The following RMDN2 variants were observed in gnomAD, a reference collection of about 807,000 sequenced individuals.
RMDN2 encodes regulator of microtubule dynamics 2, also known as regulator of microtubule dynamics protein 2.
RMDN2 carries 61 observed loss-of-function variants against 52.8 expected under a neutral mutation model. The observed-to-expected ratio is 1.16, with a 90% CI of 0.94 to 1.43. The LOEUF is 1.43. Ranked by LOEUF, RMDN2 falls within the 40% of genes most tolerant of loss-of-function variation. The probability of loss-of-function intolerance (pLI) is 0.00; values close to 1 mark genes in which losing one functional copy is unlikely to be tolerated. For missense variants in RMDN2, 592 were observed against 475.3 expected (o/e 1.25, Z -2.28); for synonymous variants, 180 against 153.1 (o/e 1.18, Z -1.30).
At chr2:38,013,772 C>G (rs1211773695) in intron 10 of RMDN2, among the ~76,000 whole-genome samples, 3 of 152,152 alleles carry the variant, frequency 2.0e-5, no homozygotes, top group Non-Finnish European at 2.9e-5. Flanking sequence ...ATAAATGGGT[C>G]TCTTGTCAAA....
At chr2:37,981,196 A>G in intron 4 of RMDN2, 87 bp from the exon 5 acceptor site, 1 of 858,614 alleles carries the variant, frequency 1.2e-6, no homozygotes, top group South Asian at 1.4e-5. Context: ...TCTTGGGACC[A>G]TACTTTGTGA....
At chr2:37,990,518 C>CAAAAAAA (rs397812186) in intron 6 of RMDN2, among the ~76,000 whole-genome samples, 5 of 37,564 alleles carry the variant, frequency 1.3e-4, no homozygotes, top group Admixed American at 4.1e-4. Flanking sequence ...GACTCCATCT[C>CAAAAAAA]AAAAAAAAAA....
Position 38,004,209 on chromosome 2 carries a change from C to A in RMDN2, c.1172C>A (p.Thr391Asn), listed in dbSNP as rs567221682. The A allele has an allele frequency of 4.3e-6, 7 of 1,612,600 alleles. No individual in the cohort carries two copies. The highest frequency in any genetic ancestry group is 3.3e-5 in the South Asian group (3 of 91,054). ...CNLALLLPTV[T>N]KEDKEAQKEM... ...TTGGCTTTATTGCTTCCTACTGTTA[C>A]CAAAGAGGTAAGTCCAGAAAGTGAC... The change falls in exon 10 of 11, where the codon ACC becomes AAC. Residue 391 changes from threonine (T) to asparagine (N), a missense_variant. Physicochemically the swap from Thr to Asn is moderately conservative, Grantham distance 65. Coordinates refer to ENST00000354545, the MANE Select transcript of RMDN2 (RefSeq NM_001170791.3).
intron 2 of RMDN2, among the ~76,000 whole-genome samples, chr2:37,943,569 A>C (rs1309949513): frequency 6.6e-6 from 1 of 152,214 alleles, no homozygotes; most frequent in Non-Finnish European, 1.5e-5. Context: ...GTCTAAAATA[A>C]ATTCTTTTAA....
intron 10 of RMDN2, among the ~76,000 whole-genome samples, chr2:38,022,972 C>T (rs551388699): frequency 2.4e-4 from 36 of 152,126 alleles, no homozygotes; most frequent in African/African-American, 8.4e-4. Flanking sequence ...TTTCTTTGAG[C>T]CCGGGGCTGT....
intron 8 of RMDN2, among the ~76,000 whole-genome samples, chr2:37,999,130 C>G (rs983780523): frequency 6.6e-6 from 1 of 152,108 alleles, no homozygotes; most frequent in South Asian, 2.1e-4. Context: ...TGCTAATGTG[C>G]CTGAAATAAT....
chr2:37,997,718 G>A, intron 8 of RMDN2: 1 of 517,002 alleles, frequency 1.9e-6, no homozygotes, highest in East Asian at 3.4e-5. Flanking sequence ...TTATGCCCTA[G>A]GTTCTAGGAA....
At chr2:37,965,965 C>G (rs535592092) in intron 2 of RMDN2, among the ~76,000 whole-genome samples, 1 of 152,296 alleles carries the variant, frequency 6.6e-6, no homozygotes, top group Admixed American at 6.5e-5. Context: ...AAGGTTTCTG[C>G]TGAGAAATCT....
intron 2 of RMDN2, chr2:37,952,165 A>G: frequency 6.2e-7 from 1 of 1,613,238 alleles, no homozygotes; most frequent in South Asian, 1.1e-5. Flanking sequence ...TTTCAAGATG[A>G]AGACAGATCT....
chr2:37,927,896 C>T (rs1666415285), intron 1 of RMDN2, among the ~76,000 whole-genome samples: 1 of 152,150 alleles, frequency 6.6e-6, no homozygotes, highest in African/African-American at 2.4e-5. Context: ...CTGTTGCTGG[C>T]ATGTCTCCTG....
intron 8 of RMDN2, among the ~76,000 whole-genome samples, chr2:38,003,544 CCTGATAGATAGATAGA>C (rs1676599079): frequency 1.2e-5 from 1 of 85,760 alleles, no homozygotes; most frequent in East Asian, 4.0e-4. Context: ...CAAAGCAAGA[CCTGATAGATAGATAGA>C]TAGATAGATA....
intron 10 of RMDN2, among the ~76,000 whole-genome samples, chr2:38,050,126 A>T (rs189799004): frequency 6.6e-6 from 1 of 152,324 alleles, no homozygotes; most frequent in East Asian, 1.9e-4. Context: ...AAACTGGCAG[A>T]GAGGATTTGA....
chr2:37,970,636 A>G (rs961597319), intron 2 of RMDN2, among the ~76,000 whole-genome samples: 1 of 152,192 alleles, frequency 6.6e-6, no homozygotes, highest in Non-Finnish European at 1.5e-5. Flanking sequence ...AGATTTCACA[A>G]TAAAACTATT....
chr2:37,964,235 G>A (rs568896887), intron 2 of RMDN2, among the ~76,000 whole-genome samples: 203 of 152,118 alleles, frequency 1.3e-3, no homozygotes, highest in African/African-American at 4.4e-3. Flanking sequence ...GCTGCCGGGC[G>A]GAGGGGCTCC....
At chr2:38,005,623 T>C (rs1442643827) in intron 10 of RMDN2, among the ~76,000 whole-genome samples, 1 of 152,230 alleles carries the variant, frequency 6.6e-6, no homozygotes, top group Non-Finnish European at 1.5e-5. Context: ...GATGAGTAGA[T>C]TGCAAAAATT....
intron 2 of RMDN2, among the ~76,000 whole-genome samples, chr2:37,966,220 C>T (rs1413306946): frequency 1.3e-5 from 2 of 152,054 alleles, no homozygotes; most frequent in African/African-American, 4.8e-5. Context: ...AAATCGAGAC[C>T]ATCCTGGCTA....
At chr2:38,064,068 T>C (rs1033515686) in intron 10 of RMDN2, among the ~76,000 whole-genome samples, 4 of 152,262 alleles carry the variant, frequency 2.6e-5, no homozygotes, top group African/African-American at 4.8e-5. Context: ...TACTAAATCA[T>C]GTAAAATATA....
At chr2:38,051,819 C>T (rs1428168529) in intron 10 of RMDN2, among the ~76,000 whole-genome samples, 5 of 152,140 alleles carry the variant, frequency 3.3e-5, no homozygotes, top group Non-Finnish European at 5.9e-5. Context: ...ACATAATGAC[C>T]TCCAGTTCCA....
intron 2 of RMDN2, among the ~76,000 whole-genome samples, chr2:37,968,438 C>CAAAAAAA (rs71400332): frequency 2.2e-5 from 2 of 89,154 alleles, no homozygotes; most frequent in African/African-American, 8.5e-5. Flanking sequence ...GACTCTGTCT[C>CAAAAAAA]AAAAAAAAAA....
Sources: allele counts gnomAD v4.1 joint callset (sites outside exome capture counted in the v4.1 genomes callset), GRCh38; gene constraint gnomAD v4.1.1; transcripts MANE v1.5; gene names NCBI Gene and HGNC (gene_info 2026-07-23, HGNC 2026-07-21).